The following COL4A6 variants were observed in gnomAD, a reference collection of about 807,000 sequenced individuals.
COL4A6 encodes collagen type IV alpha 6 chain, also known as collagen alpha-6(IV) chain.
COL4A6 carries 59 observed loss-of-function variants against 126.7 expected under a neutral mutation model. That is an observed-to-expected ratio of 0.47 (90% confidence interval 0.38 to 0.58). COL4A6 has a LOEUF of 0.58. Ranked by LOEUF, COL4A6 falls within the 20% of genes least tolerant of loss-of-function variation. COL4A6 has a pLI of 0.00. For synonymous variants in COL4A6, 547 were observed against 496.6 expected (o/e 1.10, Z -1.35); for missense variants, 1,285 against 1,337.3 (o/e 0.96, Z 0.61).
intron 2 of COL4A6, among the ~76,000 whole-genome samples, chrX:108,395,524 C>T (rs761183891): frequency 1.8e-5 from 2 of 112,060 alleles, no homozygotes; most frequent in Admixed American, 9.5e-5. Flanking sequence ...TTTTCCTTAA[C>T]CCAATATCTA....
intron 3 of COL4A6, among the ~76,000 whole-genome samples, chrX:108,298,725 G>A (rs1488674173): frequency 9.2e-6 from 1 of 109,200 alleles, no homozygotes; most frequent in Non-Finnish European, 1.9e-5. Flanking sequence ...TCATTGGACT[G>A]TAAATGCAGG....
At chrX:108,297,431 G>C (rs2038355418) in intron 3 of COL4A6, among the ~76,000 whole-genome samples, 1 of 111,113 alleles carries the variant, frequency 9.0e-6, no homozygotes, top group South Asian at 3.9e-4. Flanking sequence ...GTGAGGGGCT[G>C]TCCTGTGCAT....
At chrX:108,378,288 G>T (rs1039381486) in intron 2 of COL4A6, among the ~76,000 whole-genome samples, 3 of 111,225 alleles carry the variant, frequency 2.7e-5, no homozygotes, top group African/African-American at 9.8e-5. Context: ...TTGTTTCTTT[G>T]TTTCACACTA....
At position 108,155,823 on chromosome X, in the gene COL4A6, A is replaced by G. The variant is rs1246233569; in HGVS notation, c.*1177T>C. On this transcript the variant is annotated 3_prime_UTR_variant, in exon 45 of 45. Coordinates refer to ENST00000334504, the MANE Select transcript of COL4A6 (RefSeq NM_033641.4). ...TGTTCTGGAAAACTGGTAATTAAAG[A>G]AAATGGCTAAAACAAATTCCCCCAA... 8.9e-6 allele frequency: 1 copy of G among 112,040 alleles called. No homozygotes were observed. The highest frequency in any genetic ancestry group is 1.9e-5 in the Non-Finnish European group (1 of 53,295). The allele number at this position is 112,040 out of a possible 1,213,427, so 9.2% of individuals were successfully genotyped here.
upstream of COL4A6, chrX:108,439,325 A>G (rs772986906): frequency 9.0e-5 from 64 of 711,443 alleles, no homozygotes; most frequent in East Asian, 2.1e-3. Flanking sequence ...TAACACACAT[A>G]AAGTATTCAC....
Position 108,318,859 on chromosome X carries a change from C to T in COL4A6, c.64-8031G>A, listed in dbSNP as rs771150301. Among the ~76,000 whole-genome samples, 6 of 112,747 alleles carry T rather than the reference C, an allele frequency of 5.3e-5. No homozygotes were observed. The East Asian group carries it at 1.7e-3, about 32-fold the overall frequency. ...ACAAGCAGCTCCTCTTAGTGGCCTT[C>T]TCCAAAGGTGACTTGGATTTCCAAG... On this transcript the variant is annotated intron_variant, in intron 2 of 44. Coordinates refer to ENST00000334504, the MANE Select transcript of COL4A6 (RefSeq NM_033641.4).
At chrX:108,282,698 G>A (rs1350067974) in intron 3 of COL4A6, among the ~76,000 whole-genome samples, 8 of 108,093 alleles carry the variant, frequency 7.4e-5, no homozygotes, top group African/African-American at 1.0e-4. Context: ...ACATGCAAAC[G>A]TATGTTTATT....
intron 3 of COL4A6, among the ~76,000 whole-genome samples, chrX:108,296,500 G>A (rs914588109): frequency 2.7e-5 from 3 of 111,511 alleles, no homozygotes; most frequent in Non-Finnish European, 3.8e-5. Flanking sequence ...CTCCTCTCAC[G>A]CCATCTTCAG....
intron 2 of COL4A6, among the ~76,000 whole-genome samples, chrX:108,317,544 G>T (rs1361419597): frequency 1.8e-5 from 2 of 111,576 alleles, no homozygotes; most frequent in African/African-American, 6.5e-5. Flanking sequence ...TTTCTTCTAG[G>T]GTTTTTATGG....
At chrX:108,340,355 CAT>C (rs2039529539) in intron 2 of COL4A6, among the ~76,000 whole-genome samples, 1 of 111,427 alleles carries the variant, frequency 9.0e-6, no homozygotes, top group South Asian at 3.7e-4. Context: ...TAAATGGTCA[CAT>C]GTGGTTAATG....
intron 2 of COL4A6, among the ~76,000 whole-genome samples, chrX:108,434,701 G>A (rs929763429): frequency 1.8e-5 from 2 of 108,337 alleles, no homozygotes; most frequent in Non-Finnish European, 3.8e-5. Flanking sequence ...TCTATTTACA[G>A]TCATTTGATG....
chrX:108,290,067 G>A (rs1603023184), intron 3 of COL4A6, among the ~76,000 whole-genome samples: 1 of 112,172 alleles, frequency 8.9e-6, no homozygotes, highest in Admixed American at 9.5e-5. Flanking sequence ...GCGATATTCT[G>A]CAGACTCTAT....
intron 3 of COL4A6, among the ~76,000 whole-genome samples, chrX:108,261,266 T>C (rs778619958): frequency 8.9e-6 from 1 of 112,153 alleles, no homozygotes; most frequent in African/African-American, 3.2e-5. Context: ...TAGAGGCTAC[T>C]GTATTGCACA....
chrX:108,414,159 G>C (rs1005743230), intron 2 of COL4A6, among the ~76,000 whole-genome samples: 1 of 112,249 alleles, frequency 8.9e-6, no homozygotes, highest in African/African-American at 3.2e-5. Context: ...ATCAATTTCA[G>C]AGGAAAATGC....
At chrX:108,389,751 G>A (rs927750662) in intron 2 of COL4A6, among the ~76,000 whole-genome samples, 7 of 111,280 alleles carry the variant, frequency 6.3e-5, no homozygotes, top group Admixed American at 5.7e-4. Flanking sequence ...ATCATTATAC[G>A]TGAATTTGAT....
At chrX:108,438,083 C>T in intron 1 of COL4A6, 90 bp from the exon 2 acceptor site, 1 of 1,197,529 alleles carries the variant, frequency 8.4e-7, no homozygotes, top group Non-Finnish European at 1.1e-6. Flanking sequence ...TGGATGCCTG[C>T]TCCCAATTTC....
At chrX:108,391,141 G>T (rs1300874318) in intron 2 of COL4A6, among the ~76,000 whole-genome samples, 1 of 111,340 alleles carries the variant, frequency 9.0e-6, no homozygotes, top group Non-Finnish European at 1.9e-5. Context: ...GCCCCTACTG[G>T]TAGGTGTCTC....
chrX:108,358,067 C>A (rs1207547670), intron 2 of COL4A6, among the ~76,000 whole-genome samples: 3 of 111,645 alleles, frequency 2.7e-5, no homozygotes, highest in Admixed American at 9.5e-5. Context: ...AGAAGTCTTG[C>A]CTGACACCTT....
intron 3 of COL4A6, among the ~76,000 whole-genome samples, chrX:108,289,330 A>C (rs143454165): frequency 0.029 from 3,098 of 106,723 alleles, 115 homozygotes; most frequent in African/African-American, 0.1. Context: ...TTAAGTATTT[A>C]GGGGTGAAAA....
Sources: gnomAD v4.1 joint callset for allele counts (sites outside exome capture counted in the v4.1 genomes callset) on GRCh38, gnomAD v4.1.1 for gene constraint, MANE v1.5 for transcripts, NCBI Gene and HGNC (gene_info 2026-07-23, HGNC 2026-07-21) for gene names.